The following WNT7A variants were observed in gnomAD, a reference collection of about 807,000 sequenced individuals.
The protein encoded by WNT7A is Wnt family member 7A, also known as protein Wnt-7a.
WNT7A carries 16 observed loss-of-function variants against 28.2 expected under a neutral mutation model. The observed-to-expected ratio is 0.57, with a 90% confidence interval of 0.38 to 0.86. The LOEUF is 0.86. Among genes scored for constraint, WNT7A ranks in the 40% least tolerant of loss-of-function variants. The probability of loss-of-function intolerance (pLI) is 0.00; values close to 1 mark genes in which losing one functional copy is unlikely to be tolerated. For missense variants in WNT7A, 411 were observed against 489.7 expected (o/e 0.84, Z 1.52); for synonymous variants, 190 against 195.9 (o/e 0.97, Z 0.25).
At chr3:13,843,279 C>T (rs975900943) in intron 3 of WNT7A, among the ~76,000 whole-genome samples, 1 of 152,208 alleles carries the variant, frequency 6.6e-6, no homozygotes, top group African/African-American at 2.4e-5. Flanking sequence ...ACAGCAATGA[C>T]TGCTTTCCAA....
At chr3:13,868,584 G>GAAAGAA (rs1442491237) in intron 2 of WNT7A, among the ~76,000 whole-genome samples, 5 of 17,958 alleles carry the variant, frequency 2.8e-4, no homozygotes, top group African/African-American at 9.4e-4. Context: ...GAGAGAGAGA[G>GAAAGAA]AGAGAGGGAG....
chr3:13,828,865 G>A (rs1168239746), intron 3 of WNT7A, among the ~76,000 whole-genome samples: 1 of 152,310 alleles, frequency 6.6e-6, no homozygotes, highest in African/African-American at 2.4e-5. Flanking sequence ...TGAAGCAGAA[G>A]GGCAGGCACT....
intron 2 of WNT7A, among the ~76,000 whole-genome samples, chr3:13,873,545 C>T (rs1695057117): frequency 6.6e-6 from 1 of 152,096 alleles, no homozygotes; most frequent in Non-Finnish European, 1.5e-5. Flanking sequence ...GGTGACAAAA[C>T]CAGGCCTGCT....
chr3:13,846,973 C>T (rs947108174), intron 3 of WNT7A, among the ~76,000 whole-genome samples: 4 of 152,190 alleles, frequency 2.6e-5, no homozygotes, highest in Non-Finnish European at 2.9e-5. Flanking sequence ...GGGTCACAGA[C>T]GTTTCCAGTC....
chr3:13,864,187 A>T (rs973122572), intron 2 of WNT7A, among the ~76,000 whole-genome samples: 1 of 152,142 alleles, frequency 6.6e-6, no homozygotes, highest in Non-Finnish European at 1.5e-5. Context: ...GAGACATAGC[A>T]ATGTTCTGTG....
rs1047361889 is a variant in WNT7A at position 13,879,904 on chromosome 3, G to A, written c.-88C>T. On this transcript the variant is annotated 5_prime_UTR_variant, in exon 1 of 4. Transcript: ENST00000285018. ...GGGGCAATCAACATAGCCCGCCCGG[G>A]AGGCGCGAGCCGAGGCGTCCCCGGG... The A allele has an allele frequency of 8.7e-6, 10 of 1,145,364 alleles. No homozygotes were observed. The African/African-American group carries it at 1.3e-4, about 15-fold the overall frequency. 71.0% of individuals were successfully genotyped at this position (1,145,364 alleles called of 1,614,324 possible). A position where few individuals can be genotyped will look rare whatever the true frequency, so the allele number is the denominator to read the frequency against.
At chr3:13,842,789 G>A (rs542392701) in intron 3 of WNT7A, among the ~76,000 whole-genome samples, 1 of 152,342 alleles carries the variant, frequency 6.6e-6, no homozygotes, top group East Asian at 1.9e-4. Flanking sequence ...TCATGGGCCA[G>A]TAGACATCCT....
intron 2 of WNT7A, among the ~76,000 whole-genome samples, chr3:13,856,960 A>AAGGAGAAGAAGG (rs1294119465): frequency 7.7e-5 from 9 of 117,452 alleles, no homozygotes; most frequent in African/African-American, 3.3e-4. Context: ...GAAGAAGAAG[A>AAGGAGAAGAAGG]AGAAGAAGGA....
rs1395832762 is a variant in WNT7A at position 13,816,977 on chromosome 3, A to G, written c.*1967T>C. 5 of 152,310 alleles carry G rather than the reference A, an allele frequency of 3.3e-5. No individual in the cohort carries two copies. The highest frequency in any genetic ancestry group is 1.2e-4 in the African/African-American group (5 of 41,436). 9.4% of individuals were successfully genotyped at this position (152,310 alleles called of 1,614,324 possible). On this transcript the variant is annotated 3_prime_UTR_variant, in exon 4 of 4. Transcript: ENST00000285018. ...AAAAAAATGTCCAAGGGAAGAAACCATGCAACCATCCAGTCACTTTTATTT... is the reference window on the plus strand; with the variant it reads ...AAAAAAATGTCCAAGGGAAGAAACCGTGCAACCATCCAGTCACTTTTATTT...
intron 3 of WNT7A, among the ~76,000 whole-genome samples, chr3:13,833,078 C>T (rs189191436): frequency 6.6e-6 from 1 of 152,204 alleles, no homozygotes; most frequent in Non-Finnish European, 1.5e-5. Context: ...GCTCCTACCC[C>T]CCCAGTAACC....
In WNT7A at chr3:13,871,504, C is replaced by T. The variant is rs1695025154; in HGVS notation, c.298+3443G>A. On this transcript the variant is annotated intron_variant, in intron 2 of 3. Transcript: ENST00000285018. ...CTAGAAGTCTAGACCAGAGTGACTC[C>T]CTCCTTCCTAGCAGGCCTTTAGGTT... Among the ~76,000 whole-genome samples the T allele has an allele frequency of 2.6e-5, 4 of 152,000 alleles. No individual in the cohort carries two copies. The South Asian group carries it at 8.3e-4, about 32-fold the overall frequency.
chr3:13,842,665 G>C (rs1319048554), intron 3 of WNT7A, among the ~76,000 whole-genome samples: 2 of 152,216 alleles, frequency 1.3e-5, no homozygotes, highest in Non-Finnish European at 2.9e-5. Context: ...GCCAGGGTTT[G>C]GCTTACACAA....
At chr3:13,874,136 CA>C (rs1695066456) in intron 2 of WNT7A, among the ~76,000 whole-genome samples, 1 of 152,114 alleles carries the variant, frequency 6.6e-6, no homozygotes, top group Non-Finnish European at 1.5e-5. Flanking sequence ...GCAGGATACC[CA>C]AAGATATCCA....
chr3:13,847,763 CAA>C (rs1694564312), intron 3 of WNT7A, among the ~76,000 whole-genome samples: 1 of 137,576 alleles, frequency 7.3e-6, no homozygotes, highest in South Asian at 2.5e-4. Context: ...CAGTCAGATT[CAA>C]AGAGACAGAA....
intron 2 of WNT7A, among the ~76,000 whole-genome samples, chr3:13,858,067 T>C (rs991667403): frequency 6.6e-5 from 10 of 152,172 alleles, no homozygotes; most frequent in African/African-American, 2.4e-4. Flanking sequence ...ACACAAAGGC[T>C]TTTGGCTTGC....
rs1695178714 is a variant in WNT7A, at chr3:13,879,754, G to A, written c.63C>T (p.Leu21=). The change falls in exon 1 of 4, where the codon CTC becomes CTT. Residue 21 remains leucine, a synonymous_variant. Coordinates refer to ENST00000285018, the MANE Select transcript of WNT7A (RefSeq NM_004625.4). ...GCGCAGGCAGCCCTTACCCGATCCG[G>A]AGGTAGACCATGCCCAGGCTGAGAA... is the stretch of plus-strand genomic sequence containing the variant. ...HLFLSLGMVY[L]RIGGFSSVVA... The A allele has an allele frequency of 1.2e-6, 2 of 1,612,906 alleles. No homozygotes were observed. The highest frequency in any genetic ancestry group is 1.7e-6 in the Non-Finnish European group (2 of 1,179,316).
chr3:13,871,594 T>TAGTTTGTC (rs1015678966), intron 2 of WNT7A, among the ~76,000 whole-genome samples: 1 of 151,936 alleles, frequency 6.6e-6, no homozygotes, highest in Non-Finnish European at 1.5e-5. Context: ...AGCTGGCCCT[T>TAGTTTGTC]AGTTTGTCAC....
chr3:13,837,781 A>G (rs1315465218), intron 3 of WNT7A, among the ~76,000 whole-genome samples: 4 of 152,142 alleles, frequency 2.6e-5, no homozygotes, highest in Non-Finnish European at 4.4e-5. Context: ...GACCACCTCC[A>G]TCTGAGCTGC....
intron 3 of WNT7A, among the ~76,000 whole-genome samples, chr3:13,852,162 C>A (rs958566180): frequency 6.6e-6 from 1 of 152,216 alleles, no homozygotes; most frequent in Non-Finnish European, 1.5e-5. Context: ...AGCCCAGGGG[C>A]AGCCCCTCAT....
Sources: allele counts gnomAD v4.1 joint callset (sites outside exome capture counted in the v4.1 genomes callset), GRCh38; gene constraint gnomAD v4.1.1; transcripts MANE v1.5; gene names NCBI Gene and HGNC (gene_info 2026-07-23, HGNC 2026-07-21).